The following MYCBPAP variants were observed in gnomAD, a reference collection of about 807,000 sequenced individuals.
MYCBPAP encodes the protein MYCBP-associated protein.
Under a neutral mutation model 106.1 loss-of-function variants are expected in MYCBPAP, and 60 were observed. The ratio of observed to expected loss-of-function variants is 0.57; its 90% CI spans 0.46 to 0.70. The LOEUF is 0.70. MYCBPAP is among the 30% of genes least tolerant of loss of function. MYCBPAP has a pLI of 0.00. For synonymous variants in MYCBPAP, 407 were observed against 440.6 expected, an observed-to-expected ratio of 0.92 and a Z score of 0.95; for missense variants, 1,064 against 1,169.3, an observed-to-expected ratio of 0.91 and a Z score of 1.31.
rs1567886772 is a variant in MYCBPAP, at chr17:50,518,662, A to G, written c.590A>G (p.Asn197Ser). 1 of 1,607,004 alleles carries G rather than the reference A, an allele frequency of 6.2e-7. No individual in the cohort carries two copies. The highest frequency in any genetic ancestry group is 1.7e-5 in the Admixed American group (1 of 57,896). The change falls in exon 5 of 19, where the codon AAC (asparagine) becomes AGC (serine). Residue 197 changes from asparagine (N) to serine (S), a missense_variant. Asn to Ser is a conservative substitution (Grantham distance 46). Transcript: ENST00000323776. ...CCCTGGGCCCCACCTCCTCAGCACA[A>G]CTTTCTGAAAAACTGGCAGCGTAAC... ...RPPWAPPPQH[N>S]FLKNWQRNTA...
chr17:50,523,975 G>C (rs960173492), intron 12 of MYCBPAP, among the ~76,000 whole-genome samples, 191 bp downstream of exon 12: 1 of 152,356 alleles, frequency 6.6e-6, no homozygotes, highest in Non-Finnish European at 1.5e-5. Flanking sequence ...GCGCTGGCTA[G>C]GCAGGCATGG....
intron 4 of MYCBPAP, among the ~76,000 whole-genome samples, chr17:50,518,065 C>G (rs773216349): frequency 6.6e-6 from 1 of 152,228 alleles, no homozygotes; most frequent in African/African-American, 2.4e-5. Context: ...CTGCCCTCCT[C>G]AGTCCACGTG....
chr17:50,522,753 A>G lies in MYCBPAP; in HGVS notation c.1258-186A>G, dbSNP rs564964922. On this transcript the variant is annotated intron_variant, in intron 10 of 18. Transcript: ENST00000323776. ...GTTTTATCTTCTCTTCTTGCTATTG[A>G]GGGTAACCTCAGAGACAACCACGCT... 15 of 311,686 alleles carry G rather than the reference A, an allele frequency of 4.8e-5. No individual in the cohort carries two copies. In the East Asian group the frequency reaches 7.5e-4, roughly 16 times the overall value. The allele number at this position is 311,686 out of a possible 1,614,324, so 19.3% of individuals were successfully genotyped here.
At chr17:50,509,757 A>G (rs979307713) in intron 1 of MYCBPAP, 16 of 153,454 alleles carry the variant, frequency 1.0e-4, no homozygotes, top group African/African-American at 3.9e-4. Flanking sequence ...GGGTATCGGT[A>G]TTAACTGTGT....
chr17:50,518,346 A>T (rs930187780), intron 4 of MYCBPAP, among the ~76,000 whole-genome samples, 195 bp from the exon 5 acceptor site: 2 of 152,142 alleles, frequency 1.3e-5, no homozygotes, highest in Non-Finnish European at 2.9e-5. Flanking sequence ...TGTGGGGGAG[A>T]GTGGACTGAC....
intron 13 of MYCBPAP, 110 bp downstream of exon 13, chr17:50,525,133 C>A: frequency 7.6e-7 from 1 of 1,321,710 alleles, no homozygotes; most frequent in South Asian, 1.4e-5. Flanking sequence ...GCATTACTGC[C>A]TGAGCTCTGC....
At chr17:50,522,709 A>AAAAAAAAAATATATATATATATATATAT in intron 10 of MYCBPAP, 7 of 50,026 alleles carry the variant, frequency 1.4e-4, no homozygotes, top group African/African-American at 8.4e-4. Context: ...AAAAAAAAAA[A>AAAAAAAAAATATATATATATATATATAT]ATATATATAT....
chr17:50,525,313 G>A (rs2034422153), intron 13 of MYCBPAP, among the ~76,000 whole-genome samples: 1 of 152,186 alleles, frequency 6.6e-6, no homozygotes, highest in African/African-American at 2.4e-5. Flanking sequence ...CCTGCCATCC[G>A]TGGAAAAATT....
intron 1 of MYCBPAP, among the ~76,000 whole-genome samples, chr17:50,515,409 A>AATAG (rs10650431): frequency 0.44 from 66,774 of 151,846 alleles, 16,859 homozygotes; most frequent in African/African-American, 0.69. Flanking sequence ...TATTAAATGA[A>AATAG]TATGCAATAA....
intron 1 of MYCBPAP, among the ~76,000 whole-genome samples, chr17:50,515,669 G>T (rs1056066713): frequency 6.6e-6 from 1 of 152,168 alleles, no homozygotes. Context: ...CTCCCCCAAA[G>T]ATTCTGAGGC....
chr17:50,515,414 C>T (rs1300000573), intron 1 of MYCBPAP, among the ~76,000 whole-genome samples: 1 of 143,630 alleles, frequency 7.0e-6, no homozygotes, highest in Non-Finnish European at 1.5e-5. Flanking sequence ...AATGAATATG[C>T]AATAAATGGC....
Position 50,517,281 on chromosome 17 carries a change from A to G in MYCBPAP, c.205-12A>G. ...CACAGGTGGAATTCTCCTTTGTTTT[A>G]TTTCTTTTTAGCAACACATTCCTCG... On this transcript the variant is annotated splice_polypyrimidine_tract_variant and intron_variant, in intron 2 of 18. Transcript: ENST00000323776. The G allele has an allele frequency of 6.2e-7, 1 of 1,613,590 alleles. No individual in the cohort carries two copies. Among genetic ancestry groups the G allele is most frequent in the East Asian group, 2.2e-5 (1 of 44,886 alleles).
intron 18 of MYCBPAP, 33 bp from the exon 19 acceptor site, chr17:50,531,294 A>G (rs1397880232): frequency 2.0e-6 from 3 of 1,502,756 alleles, no homozygotes; most frequent in Non-Finnish European, 2.8e-6. Context: ...CCACAGAGTA[A>G]ACTCTGCCTG....
chr17:50,521,093 C>A lies in MYCBPAP; in HGVS notation c.917-17C>A, dbSNP rs746670259. 2.5e-6 allele frequency: 4 copies of A among 1,602,370 alleles called. No homozygotes were observed. The African/African-American group carries it at 4.0e-5, about 16-fold the overall frequency. ...ATGGCAGCAGCCTGTGCTGAGGGTCCTTGGACCTCATGCTAGGATTACCAG... is the reference window on the plus strand; with the variant it reads ...ATGGCAGCAGCCTGTGCTGAGGGTCATTGGACCTCATGCTAGGATTACCAG... On this transcript the variant is annotated splice_polypyrimidine_tract_variant and intron_variant, in intron 7 of 18. Coordinates refer to ENST00000323776, the MANE Select transcript of MYCBPAP (RefSeq NM_032133.6).
chr17:50,515,511 G>A (rs1314777731), intron 1 of MYCBPAP, among the ~76,000 whole-genome samples: 1 of 152,240 alleles, frequency 6.6e-6, no homozygotes, highest in Non-Finnish European at 1.5e-5. Context: ...CAGAAGCATG[G>A]ATCAGTGCCA....
At chr17:50,516,148 C>G (rs2034043309) in intron 1 of MYCBPAP, 1 of 158,442 alleles carries the variant, frequency 6.3e-6, no homozygotes, top group African/African-American at 2.4e-5. Flanking sequence ...GGCCACCACA[C>G]CTGGCTAATT....
Position 50,523,751 on chromosome 17 carries a change from G to C in MYCBPAP, c.1602G>C (p.Gln534His), listed in dbSNP as rs773481690. 2.5e-6 allele frequency: 4 copies of C among 1,614,100 alleles called. No individual in the cohort carries two copies. In the Admixed American group the frequency reaches 5.0e-5, roughly 20 times the overall value. Reference sequence around the variant, plus strand: ...ATCTCCACGCGGTCTCCCTGACCCAGGACGTTTTTGAGGATGAGAGGAAAG... The same window carrying C: ...ATCTCCACGCGGTCTCCCTGACCCACGACGTTTTTGAGGATGAGAGGAAAG... Reference protein sequence around the residue: ...QVNLHAVSLTQDVFEDERKVL... With the variant: ...QVNLHAVSLTHDVFEDERKVL... Residue 534 changes from glutamine to histidine, a missense_variant, in exon 12 of 19, where the codon CAG (glutamine) becomes CAC (histidine). Physicochemically the swap from Gln to His is conservative, Grantham distance 24. Transcript: ENST00000323776.
intron 7 of MYCBPAP, 22 bp from the exon 8 acceptor site, chr17:50,521,087 AG>A (rs1368405053): frequency 3.1e-6 from 5 of 1,591,172 alleles, no homozygotes; most frequent in Non-Finnish European, 3.4e-6. Flanking sequence ...GCCTGTGCTG[AG>A]GGTCCTTGGA....
At chr17:50,511,345 TAAGA>T (rs1410730449) in intron 1 of MYCBPAP, among the ~76,000 whole-genome samples, 6 of 152,034 alleles carry the variant, frequency 3.9e-5, no homozygotes, top group African/African-American at 1.5e-4. Context: ...GTCTTGTTGC[TAAGA>T]AACCAAGAAC....
Sources: gnomAD v4.1 joint callset for allele counts (sites outside exome capture counted in the v4.1 genomes callset) on GRCh38, gnomAD v4.1.1 for gene constraint, MANE v1.5 for transcripts, NCBI Gene and HGNC (gene_info 2026-07-23, HGNC 2026-07-21) for gene names.